Variants in CACNA1H observed in about 807,000 individuals in gnomAD.
CACNA1H encodes the protein voltage-dependent T-type calcium channel subunit alpha-1H.
Under a neutral mutation model 192.5 loss-of-function variants are expected in CACNA1H, and 149 were observed. That is an observed-to-expected ratio of 0.77 (90% CI 0.68 to 0.89). The LOEUF (loss-of-function observed/expected upper bound fraction) is 0.89, where lower values mean the gene tolerates loss of function less well. CACNA1H is among the 40% of genes least tolerant of loss of function. CACNA1H has a pLI of 0.00. For missense variants in CACNA1H, 4,257 were observed against 3,423.5 expected, an observed-to-expected ratio of 1.24 and a Z score of -6.08; for synonymous variants, 2,202 against 1,475.2, an observed-to-expected ratio of 1.49 and a Z score of -11.29.
chr16:1,178,475 G>T (rs544255369), intron 2 of CACNA1H, among the ~76,000 whole-genome samples: 1 of 152,124 alleles, frequency 6.6e-6, no homozygotes, highest in Non-Finnish European at 1.5e-5. Flanking sequence ...TTCGAAGGGG[G>T]TTAGGACTAG....
chr16:1,207,712 A>C, intron 14 of CACNA1H, 58 bp from the exon 15 acceptor site: 1 of 1,447,250 alleles, frequency 6.9e-7, no homozygotes, highest in Non-Finnish European at 9.5e-7. Flanking sequence ...TCTGTCCGGC[A>C]TGAAGGGTCC....
chr16:1,195,681 G>A, intron 4 of CACNA1H, 116 bp downstream of exon 4: 1 of 1,257,346 alleles, frequency 8.0e-7, no homozygotes, highest in Non-Finnish European at 1.1e-6. Context: ...AGGGATCCAG[G>A]TAGAGCCAGG....
rs755428172 is a variant in CACNA1H at position 1,196,015 on chromosome 16, G to A, written c.635G>A (p.Arg212His). Reference sequence around the variant, plus strand: ...CTGCGGCCCCTCCGCGCCATCAACCGCGTGCCTAGTAAGTGACCGGCCCCG... The same window carrying A: ...CTGCGGCCCCTCCGCGCCATCAACCACGTGCCTAGTAAGTGACCGGCCCCG... The part of the protein sequence containing the change: ...RVLRPLRAIN[R>H]VPSMRILVTL... The change falls in exon 5 of 35, where the codon CGC (arginine) becomes CAC (histidine). Residue 212 changes from arginine to histidine, a missense_variant. By Grantham distance (29) the Arg-to-His change is conservative. Transcript: ENST00000348261. 2 of 1,612,542 alleles carry A rather than the reference G, an allele frequency of 1.2e-6. No homozygotes were observed. Among genetic ancestry groups the A allele is most frequent in the East Asian group, 2.2e-5 (1 of 44,874 alleles).
At chr16:1,206,734 C>T (rs1460910925) in intron 12 of CACNA1H, 6 of 486,724 alleles carry the variant, frequency 1.2e-5, no homozygotes, top group Non-Finnish European at 2.2e-5. Flanking sequence ...CAGTTGCCAC[C>T]CAAATCCAGA....
intron 2 of CACNA1H, among the ~76,000 whole-genome samples, chr16:1,176,046 T>G (rs925310526): frequency 3.9e-5 from 6 of 152,156 alleles, no homozygotes; most frequent in African/African-American, 1.4e-4. Context: ...CCCACTCCCA[T>G]CGCCCAGTCA....
Position 1,205,269 on chromosome 16 carries a change from G to T in CACNA1H, c.2603+4G>T, listed in dbSNP as rs2141289729. 1 of 1,599,116 alleles carries T rather than the reference G, an allele frequency of 6.3e-7. No homozygotes were observed. The highest frequency in any genetic ancestry group is 1.3e-5 in the African/African-American group (1 of 74,800). On this transcript the variant is annotated splice_donor_region_variant and intron_variant, in intron 11 of 34. Transcript: ENST00000348261. ...ACGGCATCATCGTGGTCATCAGGTG[G>T]GTCCCCACCCTCTCCCCAGGAAGAG...
chr16:1,181,763 G>C (rs990605530), intron 2 of CACNA1H, among the ~76,000 whole-genome samples: 1 of 152,148 alleles, frequency 6.6e-6, no homozygotes, highest in African/African-American at 2.4e-5. Context: ...TGGGGGACCC[G>C]CCCTCATCTC....
intron 9 of CACNA1H, among the ~76,000 whole-genome samples, chr16:1,203,560 G>A (rs1455618936): frequency 1.1e-4 from 17 of 152,128 alleles, no homozygotes; most frequent in Admixed American, 7.9e-4. Context: ...CTGTACCCAC[G>A]AACTAGTGGG....
At chr16:1,157,372 G>A (rs1201286314) in intron 2 of CACNA1H, among the ~76,000 whole-genome samples, 2 of 152,236 alleles carry the variant, frequency 1.3e-5, no homozygotes, top group African/African-American at 4.8e-5. Flanking sequence ...GGATGCTGAA[G>A]GACAGAGCTG....
chr16:1,158,945 C>T (rs1031330763), intron 2 of CACNA1H, among the ~76,000 whole-genome samples: 4 of 152,312 alleles, frequency 2.6e-5, no homozygotes, highest in East Asian at 3.9e-4. Flanking sequence ...CCGCTGGGAC[C>T]GGGCAGGGGT....
chr16:1,207,340 C>T lies in CACNA1H; in HGVS notation c.2973C>T (p.Ala991=), dbSNP rs369690259. The change falls in exon 14 of 35, where the codon GCC becomes GCT. Residue 991 remains alanine (A), a synonymous_variant. Transcript: ENST00000348261. The part of the protein sequence containing the change: ...YNGMASTSSW[A]ALYFVALMTF... Reference sequence around the variant, plus strand: ...GCATGGCCTCCACCTCCTCCTGGGCCGCCCTCTACTTCGTGGCCCTCATGA... The same window carrying T: ...GCATGGCCTCCACCTCCTCCTGGGCTGCCCTCTACTTCGTGGCCCTCATGA... The T allele has an allele frequency of 1.8e-5, 29 of 1,612,236 alleles. No homozygotes were observed. The highest frequency in any genetic ancestry group is 1.2e-4 in the South Asian group (11 of 90,754).
At chr16:1,200,210 C>T (rs375298406) in intron 6 of CACNA1H, 46 bp from the exon 7 acceptor site, 134 of 1,505,520 alleles carry the variant, frequency 8.9e-5, no homozygotes, top group Middle Eastern at 3.4e-4. Context: ...TCTGACCGTC[C>T]CTGACCCTGA....
intron 5 of CACNA1H, among the ~76,000 whole-genome samples, chr16:1,197,559 A>T (rs1013878252): frequency 4.6e-5 from 7 of 152,222 alleles, no homozygotes; most frequent in African/African-American, 1.7e-4. Flanking sequence ...GGACACGCTC[A>T]GGGCTGCATC....
chr16:1,178,289 T>C (rs1446205982), intron 2 of CACNA1H, among the ~76,000 whole-genome samples: 1 of 139,422 alleles, frequency 7.2e-6, no homozygotes, highest in Non-Finnish European at 1.6e-5. Flanking sequence ...GCCCCCTCTT[T>C]CTGGACCCTC....
chr16:1,165,650 G>C (rs1003575078), intron 2 of CACNA1H, among the ~76,000 whole-genome samples: 1 of 152,166 alleles, frequency 6.6e-6, no homozygotes, highest in African/African-American at 2.4e-5. Flanking sequence ...GCGTCCCCCC[G>C]AGGCCATTGC....
At chr16:1,156,089 C>T (rs1026317199) in intron 2 of CACNA1H, among the ~76,000 whole-genome samples, 3 of 152,280 alleles carry the variant, frequency 2.0e-5, no homozygotes, top group Non-Finnish European at 2.9e-5. Context: ...CGGCCTCCTG[C>T]CCTTCGATGG....
Position 1,218,656 on chromosome 16 carries a change from G to A in CACNA1H, c.5887+5G>A. ...ATGGGGCCGGCACCCCCTTGGGTAT[G>A]GTAGCCAGCAGGAAGATATGGGCTG... On this transcript the variant is annotated splice_donor_5th_base_variant and intron_variant, in intron 33 of 34. Coordinates refer to ENST00000348261, the MANE Select transcript of CACNA1H (RefSeq NM_021098.3). 1 of 1,534,042 alleles carries A rather than the reference G, an allele frequency of 6.5e-7. No individual in the cohort carries two copies. The highest frequency in any genetic ancestry group is 8.8e-7 in the Non-Finnish European group (1 of 1,137,052).
Position 1,194,960 on chromosome 16 carries a change from C to A in CACNA1H, c.300-12C>A. On this transcript the variant is annotated splice_polypyrimidine_tract_variant and intron_variant, in intron 2 of 34. Transcript: ENST00000348261. ...GGGCCGCGCCGGTGTGCTCCTTAAC[C>A]CGCGGCGACACATGGTTCGAGCACG... 1 of 1,600,638 alleles carries A rather than the reference C, an allele frequency of 6.2e-7. No homozygotes were observed. Among genetic ancestry groups the A allele is most frequent in the Non-Finnish European group, 8.6e-7 (1 of 1,169,076 alleles).
chr16:1,220,447 G>A lies in CACNA1H; in HGVS notation c.6515G>A (p.Gly2172Asp), dbSNP rs756582534. The change falls in exon 35 of 35, where the codon GGC becomes GAC. Residue 2172 changes from glycine to aspartate, a missense_variant. Physicochemically the swap from Gly to Asp is moderately conservative, Grantham distance 94. Coordinates refer to ENST00000348261, the MANE Select transcript of CACNA1H (RefSeq NM_021098.3). Reference sequence around the variant, plus strand: ...GAGCCTGGGGAGGCGAAGGCCTGGGGCCCTGAGGCCGAGCCCGCTCTGGGT... The same window carrying A: ...GAGCCTGGGGAGGCGAAGGCCTGGGACCCTGAGGCCGAGCCCGCTCTGGGT... Reference protein sequence around the residue: ...SGEPGEAKAWGPEAEPALGAR... With the variant: ...SGEPGEAKAWDPEAEPALGAR... The A allele has an allele frequency of 6.5e-7, 1 of 1,540,740 alleles. No homozygotes were observed. Among genetic ancestry groups the A allele is most frequent in the Non-Finnish European group, 8.7e-7 (1 of 1,152,442 alleles).
Sources: allele counts gnomAD v4.1 joint callset (sites outside exome capture counted in the v4.1 genomes callset), GRCh38; gene constraint gnomAD v4.1.1; transcripts MANE v1.5; gene names NCBI Gene and HGNC (gene_info 2026-07-23, HGNC 2026-07-21).